SOX5: variants seen among roughly 807,000 people sequenced by gnomAD.
The protein encoded by SOX5 is transcription factor SOX-5.
Under a neutral mutation model 92.0 loss-of-function variants are expected in SOX5, and 9 were observed. That is an observed-to-expected ratio of 0.10 (90% confidence interval 0.06 to 0.17). SOX5 has a LOEUF of 0.17. Ranked by LOEUF, SOX5 falls within the 10% of genes least tolerant of loss-of-function variation. The pLI, the probability that SOX5 is intolerant of heterozygous loss-of-function variation, is 1.00. For synonymous variants in SOX5, 344 were observed against 336.3 expected, an observed-to-expected ratio of 1.02 and a Z score of -0.25; for missense variants, 642 against 944.5, an observed-to-expected ratio of 0.68 and a Z score of 4.20.
chr12:24,472,763 CT>C (rs1294825175), intron 1 of SOX5, among the ~76,000 whole-genome samples: 4 of 151,884 alleles, frequency 2.6e-5, no homozygotes. Context: ...GACATACTAC[CT>C]TATGTTAATT....
At chr12:23,695,315 A>T (rs1306602701) in intron 6 of SOX5, among the ~76,000 whole-genome samples, 2 of 152,172 alleles carry the variant, frequency 1.3e-5, no homozygotes, top group African/African-American at 4.8e-5. Context: ...GAAATTCCAT[A>T]AAAATTTTGG....
chr12:24,404,708 G>C (rs1450836143), intron 1 of SOX5, among the ~76,000 whole-genome samples: 1 of 152,148 alleles, frequency 6.6e-6, no homozygotes. Flanking sequence ...AATTGCATGG[G>C]AACTTCAAGG....
intron 4 of SOX5, among the ~76,000 whole-genome samples, chr12:24,165,423 T>C (rs986381843): frequency 2.0e-5 from 3 of 152,198 alleles, no homozygotes; most frequent in Non-Finnish European, 4.4e-5. Flanking sequence ...AATGATATTC[T>C]ATATCAGACT....
chr12:24,005,410 C>A (rs1300325989), intron 4 of SOX5, among the ~76,000 whole-genome samples: 3 of 151,988 alleles, frequency 2.0e-5, no homozygotes, highest in African/African-American at 4.8e-5. Context: ...AAATGCAGTC[C>A]TTTTGTTACA....
intron 8 of SOX5, among the ~76,000 whole-genome samples, chr12:23,615,634 G>A (rs1245046117): frequency 2.6e-5 from 4 of 152,188 alleles, no homozygotes; most frequent in South Asian, 2.1e-4. Flanking sequence ...GTTTGCTAAC[G>A]ATAATGGCCT....
chr12:23,617,257 G>C (rs1212917058), intron 8 of SOX5, among the ~76,000 whole-genome samples: 1 of 152,076 alleles, frequency 6.6e-6, no homozygotes, highest in Non-Finnish European at 1.5e-5. Flanking sequence ...CATGCTTGGT[G>C]AAATAGGGGG....
intron 4 of SOX5, among the ~76,000 whole-genome samples, chr12:24,073,617 CT>C (rs978333207): frequency 2.6e-5 from 4 of 152,152 alleles, no homozygotes; most frequent in Admixed American, 2.6e-4. Context: ...TTCAATAAAA[CT>C]GCCAACCATG....
At chr12:23,545,104 C>T (rs1236871550) in intron 12 of SOX5, among the ~76,000 whole-genome samples, 1 of 152,168 alleles carries the variant, frequency 6.6e-6, no homozygotes, top group Non-Finnish European at 1.5e-5. Context: ...CGTGTTTCAA[C>T]GTTCAGGTTT....
chr12:24,084,122 T>A (rs1170817940), intron 4 of SOX5, among the ~76,000 whole-genome samples: 1 of 152,058 alleles, frequency 6.6e-6, no homozygotes, highest in Admixed American at 6.6e-5. Context: ...GTCAACATGA[T>A]CTGAACAGGT....
chr12:23,963,667 CAA>C (rs1230065585), intron 4 of SOX5, among the ~76,000 whole-genome samples: 1 of 137,110 alleles, frequency 7.3e-6, no homozygotes, highest in Non-Finnish European at 1.5e-5. Context: ...GAATGAAGTA[CAA>C]AAAAATTGGA....
chr12:23,739,498 A>C (rs1256698662), intron 5 of SOX5, among the ~76,000 whole-genome samples: 1 of 152,176 alleles, frequency 6.6e-6, no homozygotes, highest in Non-Finnish European at 1.5e-5. Flanking sequence ...ATAGCATTTA[A>C]CACTGTTCCC....
At chr12:24,530,019 C>CA (rs34105691) in intron 1 of SOX5, among the ~76,000 whole-genome samples, 2,065 of 72,750 alleles carry the variant, frequency 0.028, 85 homozygotes, top group Non-Finnish European at 0.042. Flanking sequence ...GACTCCGTCT[C>CA]AAAAAAAAAA....
intron 4 of SOX5, among the ~76,000 whole-genome samples, chr12:24,100,911 C>T (rs1295484328): frequency 3.3e-5 from 5 of 152,078 alleles, no homozygotes; most frequent in East Asian, 1.9e-4. Flanking sequence ...CAAGTCATGT[C>T]GGTTTTACCC....
chr12:23,998,768 T>TTGTTA (rs1951284944), intron 4 of SOX5, among the ~76,000 whole-genome samples: 1 of 116,658 alleles, frequency 8.6e-6, no homozygotes, highest in Non-Finnish European at 1.6e-5. Flanking sequence ...GCCATTGCAC[T>TTGTTA]CCAGCCTGGG....
At chr12:23,625,286 C>G (rs7137144) in intron 8 of SOX5, among the ~76,000 whole-genome samples, 88,502 of 151,952 alleles carry the variant, frequency 0.58, 26,159 homozygotes, top group African/African-American at 0.67. Flanking sequence ...CTCTGAAACA[C>G]AGTTTGAAAA....
intron 9 of SOX5, among the ~76,000 whole-genome samples, chr12:23,594,764 T>C (rs1477744418): frequency 6.6e-6 from 1 of 152,172 alleles, no homozygotes; most frequent in African/African-American, 2.4e-5. Flanking sequence ...ATCATTCTCC[T>C]TCATGTTCAC....
intron 1 of SOX5, among the ~76,000 whole-genome samples, chr12:24,370,869 G>A (rs1235923127): frequency 2.0e-5 from 3 of 152,276 alleles, no homozygotes; most frequent in South Asian, 2.1e-4. Context: ...TCTCCTAAGT[G>A]CTTTGGTTGT....
At chr12:23,820,548 T>C (rs1306966288) in intron 3 of SOX5, among the ~76,000 whole-genome samples, 1 of 152,248 alleles carries the variant, frequency 6.6e-6, no homozygotes, top group Non-Finnish European at 1.5e-5. Context: ...AGGGCTTTAA[T>C]GATTTTAGGT....
chr12:24,524,770 C>T (rs930425614), intron 1 of SOX5, among the ~76,000 whole-genome samples: 1 of 152,120 alleles, frequency 6.6e-6, no homozygotes, highest in African/African-American at 2.4e-5. Context: ...TGCCTGTAAA[C>T]CCTTGGGAGG....
Sources: gnomAD v4.1 joint callset for allele counts (sites outside exome capture counted in the v4.1 genomes callset) on GRCh38, gnomAD v4.1.1 for gene constraint, MANE v1.5 for transcripts, NCBI Gene and HGNC (gene_info 2026-07-23, HGNC 2026-07-21) for gene names.